The following SPAG17 variants were observed in gnomAD, a reference collection of about 807,000 sequenced individuals.
SPAG17 encodes the protein sperm associated antigen 17.
In SPAG17, 169 loss-of-function variants were observed where a neutral mutation model predicts 273.6. The observed-to-expected ratio is 0.62, with a 90% CI of 0.55 to 0.70. The LOEUF is 0.70. Ranked by LOEUF, SPAG17 falls within the 30% of genes least tolerant of loss-of-function variation. The pLI is 0.00. For synonymous variants in SPAG17, 825 were observed against 873.2 expected, an observed-to-expected ratio of 0.94 and a Z score of 0.97; for missense variants, 2,557 against 2,627.8, an observed-to-expected ratio of 0.97 and a Z score of 0.59.
At chr1:118,023,517 T>G in intron 27 of SPAG17, 54 bp from the exon 28 acceptor site, 1 of 1,558,116 alleles carries the variant, frequency 6.4e-7, no homozygotes, top group East Asian at 2.3e-5. Flanking sequence ...AGAGGTTGTT[T>G]AACAATAAAC....
In SPAG17 at chr1:118,004,435, G is replaced by A. The variant is rs1375701847; in HGVS notation, c.4776+979C>T. ...CCTGCCCACAGAGGTGGAGACTAGA[G>A]GCAGTAGGCCTTGCTGAGCTGTGGT... On this transcript the variant is annotated intron_variant, in intron 32 of 48. Coordinates refer to ENST00000336338, the MANE Select transcript of SPAG17 (RefSeq NM_206996.4). 1.3e-5 allele frequency among the ~76,000 whole-genome samples: 2 copies of A among 152,350 alleles called. 1 individual carries two copies. Among genetic ancestry groups the A allele is most frequent in the African/African-American group, 4.8e-5 (2 of 41,586 alleles).
Position 117,987,881 on chromosome 1 carries a change from T to C in SPAG17, c.5622A>G (p.Arg1874=). 1 of 1,613,894 alleles carries C rather than the reference T, an allele frequency of 6.2e-7. No individual in the cohort carries two copies. Among genetic ancestry groups the C allele is most frequent in the Non-Finnish European group, 8.5e-7 (1 of 1,179,904 alleles). ...FGKDFFEKTW[R]HTASSKRWKE... ...TCCAGCGTTTTGAGGATGCTGTGTG[T>C]CTATGTGAAAGGAAAGGAAAGTATG... Residue 1874 remains arginine, a splice_region_variant and synonymous_variant, in exon 40 of 49, where the codon AGA becomes AGG. Coordinates refer to ENST00000336338, the MANE Select transcript of SPAG17 (RefSeq NM_206996.4).
At chr1:117,973,120 C>A (rs541225634) in intron 44 of SPAG17, among the ~76,000 whole-genome samples, 20 of 152,288 alleles carry the variant, frequency 1.3e-4, no homozygotes, top group African/African-American at 4.8e-4. Flanking sequence ...GTACTCCCAG[C>A]ATGGCTGATT....
chr1:118,053,618 T>C (rs1651313248), intron 20 of SPAG17, among the ~76,000 whole-genome samples: 1 of 151,882 alleles, frequency 6.6e-6, no homozygotes, highest in South Asian at 2.1e-4. Context: ...ACATTTCAGA[T>C]AGATATCTGA....
chr1:118,083,057 A>G (rs940988882), intron 13 of SPAG17, among the ~76,000 whole-genome samples: 6 of 152,110 alleles, frequency 3.9e-5, no homozygotes, highest in Non-Finnish European at 5.9e-5. Context: ...GCTGGAGTGC[A>G]GGTGATTCTC....
At chr1:118,014,022 T>G (rs986084695) in intron 29 of SPAG17, among the ~76,000 whole-genome samples, 10 of 152,194 alleles carry the variant, frequency 6.6e-5, no homozygotes, top group Non-Finnish European at 1.5e-4. Flanking sequence ...ATGTAATATT[T>G]CATGTCATTT....
chr1:118,032,376 C>G (rs1165654735), intron 24 of SPAG17, among the ~76,000 whole-genome samples: 1 of 151,948 alleles, frequency 6.6e-6, no homozygotes, highest in African/African-American at 2.4e-5. Context: ...ATGTGATACA[C>G]TTGCTGGGTT....
chr1:118,029,558 A>G (rs1648183816), intron 25 of SPAG17, among the ~76,000 whole-genome samples: 1 of 152,252 alleles, frequency 6.6e-6, no homozygotes, highest in African/African-American at 2.4e-5. Context: ...TAATAAAAAT[A>G]AAAGACAATT....
intron 13 of SPAG17, among the ~76,000 whole-genome samples, chr1:118,082,775 G>C (rs1469534743): frequency 6.6e-6 from 1 of 152,200 alleles, no homozygotes; most frequent in African/African-American, 2.4e-5. Flanking sequence ...AAAGTCCTCT[G>C]AACAATTAAG....
chr1:118,125,017 A>C (rs1476710741), intron 3 of SPAG17, among the ~76,000 whole-genome samples: 4 of 152,078 alleles, frequency 2.6e-5, no homozygotes, highest in Non-Finnish European at 5.9e-5. Context: ...CTTTTAGCCC[A>C]GGTTTTTATG....
At chr1:118,178,547 T>G (rs1660800434) in intron 1 of SPAG17, among the ~76,000 whole-genome samples, 1 of 152,018 alleles carries the variant, frequency 6.6e-6, no homozygotes, top group Non-Finnish European at 1.5e-5. Flanking sequence ...TGCTGAATTT[T>G]ACCACTTTTA....
chr1:118,182,377 G>T (rs1412845489), intron 1 of SPAG17, among the ~76,000 whole-genome samples: 4 of 152,130 alleles, frequency 2.6e-5, no homozygotes, highest in Non-Finnish European at 5.9e-5. Flanking sequence ...AATAGAGCCT[G>T]CCTTGACCAT....
intron 27 of SPAG17, among the ~76,000 whole-genome samples, chr1:118,024,250 A>G (rs1210081266): frequency 6.6e-6 from 1 of 152,064 alleles, no homozygotes; most frequent in East Asian, 1.9e-4. Flanking sequence ...TGGAAATTAT[A>G]TCATATGGAC....
intron 8 of SPAG17, 98 bp downstream of exon 8, chr1:118,093,058 G>C (rs1360572185): frequency 3.5e-5 from 45 of 1,292,824 alleles, no homozygotes; most frequent in Non-Finnish European, 2.6e-5. Context: ...CTTAATGTAA[G>C]TATTTATGTA....
chr1:118,057,263 C>A (rs991258224), intron 18 of SPAG17, among the ~76,000 whole-genome samples: 6 of 152,110 alleles, frequency 3.9e-5, no homozygotes, highest in Admixed American at 3.3e-4. Context: ...TTCTCACCAC[C>A]TTTACTGTTA....
chr1:118,136,830 TG>T (rs1658393781), intron 3 of SPAG17, among the ~76,000 whole-genome samples: 10 of 151,934 alleles, frequency 6.6e-5, no homozygotes, highest in East Asian at 1.9e-4. Context: ...TGTGTGTGTG[TG>T]TTTTTAATGA....
chr1:118,085,194 T>C (rs1333549924), intron 13 of SPAG17, among the ~76,000 whole-genome samples: 1 of 151,536 alleles, frequency 6.6e-6, no homozygotes, highest in Non-Finnish European at 1.5e-5. Context: ...GATCCTCTTC[T>C]TTTTTTTTCT....
chr1:118,010,337 T>C (rs1227092999), intron 30 of SPAG17, among the ~76,000 whole-genome samples: 1 of 152,104 alleles, frequency 6.6e-6, no homozygotes, highest in African/African-American at 2.4e-5. Flanking sequence ...CAAAATGGCA[T>C]GGTACTTGTA....
intron 1 of SPAG17, among the ~76,000 whole-genome samples, chr1:118,159,337 G>A (rs1659800137): frequency 6.6e-6 from 1 of 152,166 alleles, no homozygotes; most frequent in African/African-American, 2.4e-5. Context: ...GTGTAGGTAT[G>A]CAGAGAGGTT....
Sources: gnomAD v4.1 joint callset for allele counts (sites outside exome capture counted in the v4.1 genomes callset) on GRCh38, gnomAD v4.1.1 for gene constraint, MANE v1.5 for transcripts, NCBI Gene and HGNC (gene_info 2026-07-23, HGNC 2026-07-21) for gene names.